Variants in ZDHHC13 observed in about 807,000 individuals in gnomAD.
The protein encoded by ZDHHC13 is zDHHC palmitoyltransferase 13.
A neutral mutation model predicts 86.0 loss-of-function variants in ZDHHC13; 85 were observed. The observed-to-expected ratio is 0.99, with a 90% confidence interval of 0.83 to 1.18. The LOEUF (loss-of-function observed/expected upper bound fraction) is 1.18. ZDHHC13 is among the 50% of genes most tolerant of loss of function. The probability of loss-of-function intolerance (pLI) is 0.00; values close to 1 mark genes in which losing one functional copy is unlikely to be tolerated. For synonymous variants in ZDHHC13, 263 were observed against 246.4 expected (o/e 1.07, Z -0.63); for missense variants, 711 against 730.2 (o/e 0.97, Z 0.30).
chr11:19,159,151 T>G (rs1849840106), intron 10 of ZDHHC13, 111 bp downstream of exon 10: 1 of 673,966 alleles, frequency 1.5e-6, no homozygotes, highest in East Asian at 2.8e-5. Flanking sequence ...AACTTATATT[T>G]GCATTCATTT....
At chr11:19,142,128 T>G (rs1340483946) in intron 1 of ZDHHC13, among the ~76,000 whole-genome samples, 1 of 152,142 alleles carries the variant, frequency 6.6e-6, no homozygotes, top group Admixed American at 6.6e-5. Context: ...ACAGTTGACA[T>G]CAAGGCTGAG....
chr11:19,136,801 T>C (rs1016572904), intron 1 of ZDHHC13, among the ~76,000 whole-genome samples: 2 of 151,784 alleles, frequency 1.3e-5, no homozygotes, highest in African/African-American at 4.9e-5. Context: ...AACCCAGAAT[T>C]TCATATCCAG....
intron 1 of ZDHHC13, among the ~76,000 whole-genome samples, chr11:19,131,946 G>A (rs1419058785): frequency 6.6e-6 from 1 of 152,106 alleles, no homozygotes; most frequent in Non-Finnish European, 1.5e-5. Flanking sequence ...ACTCTAACCT[G>A]ATCTTTTGTC....
intron 1 of ZDHHC13, among the ~76,000 whole-genome samples, chr11:19,123,903 G>A (rs1359860685): frequency 6.6e-6 from 1 of 152,138 alleles, no homozygotes; most frequent in East Asian, 1.9e-4. Context: ...ATAATATTCA[G>A]TTCTGGGAAG....
intron 1 of ZDHHC13, among the ~76,000 whole-genome samples, chr11:19,129,416 G>A (rs149573931): frequency 0.014 from 2,188 of 152,078 alleles, 30 homozygotes; most frequent in Non-Finnish European, 0.02. Flanking sequence ...GATTGAGGAG[G>A]TTCCCTTCTT....
At chr11:19,167,690 T>A (rs1850109031) in intron 14 of ZDHHC13, 1 of 152,212 alleles carries the variant, frequency 6.6e-6, no homozygotes, top group Non-Finnish European at 1.5e-5. Context: ...CCATTTTAAA[T>A]AGGTCTAATA....
chr11:19,135,656 C>T (rs1239300847), intron 1 of ZDHHC13, among the ~76,000 whole-genome samples: 1 of 152,244 alleles, frequency 6.6e-6, no homozygotes, highest in African/African-American at 2.4e-5. Flanking sequence ...GTAACCTCTG[C>T]AGAGTTAAAT....
At chr11:19,140,171 C>T (rs1323099999) in intron 1 of ZDHHC13, among the ~76,000 whole-genome samples, 1 of 150,758 alleles carries the variant, frequency 6.6e-6, no homozygotes, top group African/African-American at 2.5e-5. Context: ...ACTCATCTGA[C>T]AAAGGGCTAA....
At chr11:19,118,022 A>G (rs1848684897) in intron 1 of ZDHHC13, 1 of 152,232 alleles carries the variant, frequency 6.6e-6, no homozygotes. Flanking sequence ...TGACTAGTAT[A>G]TTGTAGACGT....
chr11:19,149,184 C>T lies in ZDHHC13; in HGVS notation c.375-3C>T. On this transcript the variant is annotated splice_region_variant and splice_polypyrimidine_tract_variant and intron_variant, in intron 4 of 16. Coordinates refer to ENST00000446113, the MANE Select transcript of ZDHHC13 (RefSeq NM_019028.3). ...AGAATGGCTTTTTGTCTTCTATTTG[C>T]AGACAAGGACATTTACCTATGGTCA... The T allele has an allele frequency of 2.0e-6, 3 of 1,536,336 alleles. No homozygotes were observed. Among genetic ancestry groups the T allele is most frequent in the Non-Finnish European group, 2.7e-6 (3 of 1,131,724 alleles).
At chr11:19,140,737 TA>T (rs746589054) in intron 1 of ZDHHC13, among the ~76,000 whole-genome samples, 1 of 152,026 alleles carries the variant, frequency 6.6e-6, no homozygotes, top group Non-Finnish European at 1.5e-5. Context: ...TATGCAGCCA[TA>T]AAAAATGATG....
chr11:19,133,388 C>T (rs1335036430), intron 1 of ZDHHC13, among the ~76,000 whole-genome samples: 27 of 22,540 alleles, frequency 1.2e-3, no homozygotes, highest in East Asian at 8.3e-3. Context: ...CATATATATA[C>T]ACACACACAC....
At chr11:19,138,187 G>T (rs1203935435) in intron 1 of ZDHHC13, among the ~76,000 whole-genome samples, 1 of 151,024 alleles carries the variant, frequency 6.6e-6, no homozygotes, top group African/African-American at 2.4e-5. Flanking sequence ...AAGAAAAAAA[G>T]AGAGAAGAAT....
rs79284188 is a variant in ZDHHC13, at chr11:19,130,422, C to T, written c.28-12556C>T. Among the ~76,000 whole-genome samples the T allele has an allele frequency of 8.2e-4, 124 of 152,062 alleles. No individual in the cohort carries two copies. The East Asian group carries it at 0.021, about 26-fold the overall frequency. On this transcript the variant is annotated intron_variant, in intron 1 of 16. Coordinates refer to ENST00000446113, the MANE Select transcript of ZDHHC13 (RefSeq NM_019028.3). ...ATGTCTCTTTTTTAAACCTGATATT[C>T]GTCATTGATACTTTTTCATTTTTCT... is the stretch of plus-strand genomic sequence containing the variant.
intron 14 of ZDHHC13, chr11:19,169,841 TATCTGTCTTGTGAGTCCCTTC>T (rs2133478962): frequency 1.0e-6 from 1 of 985,670 alleles, no homozygotes; most frequent in South Asian, 4.7e-5. Context: ...TTCCCAGGTG[TATCTGTCTTGTGAGTCCCTTC>T]ATCTGGCCTT....
At chr11:19,121,415 G>A (rs1206870189) in intron 1 of ZDHHC13, among the ~76,000 whole-genome samples, 1 of 152,198 alleles carries the variant, frequency 6.6e-6, no homozygotes, top group Non-Finnish European at 1.5e-5. Context: ...GACCTTGTCT[G>A]TTGTTCATTG....
chr11:19,169,620 A>G (rs1057318333), intron 14 of ZDHHC13: 11 of 985,358 alleles, frequency 1.1e-5, no homozygotes, highest in Non-Finnish European at 9.6e-6. Context: ...CCCTTTATGC[A>G]TGGGCAGGGT....
At chr11:19,126,019 T>G (rs1335277759) in intron 1 of ZDHHC13, among the ~76,000 whole-genome samples, 1 of 152,176 alleles carries the variant, frequency 6.6e-6, no homozygotes, top group Admixed American at 6.5e-5. Context: ...TATACCAAAG[T>G]TAATTTTACT....
intron 1 of ZDHHC13, among the ~76,000 whole-genome samples, chr11:19,140,594 C>G (rs1343795101): frequency 6.6e-6 from 1 of 152,092 alleles, no homozygotes; most frequent in Non-Finnish European, 1.5e-5. Flanking sequence ...ATAAATCATG[C>G]TGCTATAAAG....
Sources: gnomAD v4.1 joint callset for allele counts (sites outside exome capture counted in the v4.1 genomes callset) on GRCh38, gnomAD v4.1.1 for gene constraint, MANE v1.5 for transcripts, NCBI Gene and HGNC (gene_info 2026-07-23, HGNC 2026-07-21) for gene names.